The following C18orf63 variants were observed in gnomAD, a reference collection of about 807,000 sequenced individuals.
C18orf63 encodes chromosome 18 open reading frame 63, also known as uncharacterized protein C18orf63.
A neutral mutation model predicts 75.3 loss-of-function variants in C18orf63; 50 were observed. The observed-to-expected ratio is 0.66, with a 90% CI of 0.53 to 0.84. C18orf63 has a LOEUF of 0.84. Among genes scored for constraint, C18orf63 ranks in the 40% least tolerant of loss-of-function variants. The pLI, the probability that C18orf63 is intolerant of heterozygous loss-of-function variation, is 0.00. For synonymous variants in C18orf63, 232 were observed against 267.6 expected (o/e 0.87, Z 1.30); for missense variants, 732 against 800.2 (o/e 0.91, Z 1.03).
intron 7 of C18orf63, 87 bp from the exon 8 acceptor site, chr18:74,338,628 T>C (rs1984430063): frequency 2.0e-6 from 1 of 492,008 alleles, no homozygotes; most frequent in East Asian, 3.2e-5. Flanking sequence ...TAACCTACTG[T>C]GTGTGTGTAA....
chr18:74,345,410 T>C (rs1191782061), intron 11 of C18orf63, among the ~76,000 whole-genome samples: 2 of 152,134 alleles, frequency 1.3e-5, no homozygotes, highest in Non-Finnish European at 2.9e-5. Context: ...TCAGTCTTTT[T>C]CTTTATGGTT....
chr18:74,351,854 C>T (rs894498350), intron 11 of C18orf63, among the ~76,000 whole-genome samples: 6 of 152,086 alleles, frequency 3.9e-5, no homozygotes. Flanking sequence ...GCATATTATT[C>T]CTAGCAGTTT....
intron 6 of C18orf63, among the ~76,000 whole-genome samples, chr18:74,330,101 A>G (rs1984279824): frequency 3.3e-5 from 5 of 152,168 alleles, no homozygotes; most frequent in Non-Finnish European, 5.9e-5. Flanking sequence ...TTCATCTCCA[A>G]ACACTGTCAT....
At chr18:74,324,283 G>A (rs1984172164) in intron 4 of C18orf63, among the ~76,000 whole-genome samples, 1 of 152,066 alleles carries the variant, frequency 6.6e-6, no homozygotes. Context: ...TACTACCACT[G>A]TCATTCACTG....
intron 11 of C18orf63, among the ~76,000 whole-genome samples, chr18:74,349,791 C>T (rs139551711): frequency 9.1e-4 from 138 of 152,256 alleles, no homozygotes; most frequent in African/African-American, 3.1e-3. Flanking sequence ...CTCCCCTACA[C>T]TTAAGCTGCT....
chr18:74,325,276 T>A (rs1427637990), intron 4 of C18orf63, among the ~76,000 whole-genome samples: 2 of 152,194 alleles, frequency 1.3e-5, no homozygotes, highest in Non-Finnish European at 2.9e-5. Flanking sequence ...CTGTTTGATT[T>A]CTTTTTTGAT....
intron 13 of C18orf63, among the ~76,000 whole-genome samples, chr18:74,355,508 G>GC (rs1182557455): frequency 1.3e-5 from 2 of 152,088 alleles, no homozygotes; most frequent in East Asian, 1.9e-4. Context: ...CATCCAGGAG[G>GC]GGGGGCTTAC....
rs1421675837 is a variant in C18orf63, at chr18:74,343,517, A to G, written c.795-2A>G. On this transcript the variant is annotated splice_acceptor_variant, in intron 10 of 13. Coordinates refer to ENST00000579455, the MANE Select transcript of C18orf63 (RefSeq NM_001174123.2). LOFTEE classifies it high-confidence loss of function. ...CAGACATTGTTCTTTAACATTGTTC[A>G]GATATCCTCTCAGTTGCATCAGAAG... 6.6e-7 allele frequency: 1 copy of G among 1,510,548 alleles called. No individual in the cohort carries two copies. The highest frequency in any genetic ancestry group is 2.1e-5 in the Admixed American group (1 of 46,838). 93.6% of individuals were successfully genotyped at this position (1,510,548 alleles called of 1,614,324 possible). A position where few individuals can be genotyped will look rare whatever the true frequency, so the allele number is the denominator to read the frequency against.
intron 6 of C18orf63, among the ~76,000 whole-genome samples, chr18:74,329,723 T>TA (rs1205010945): frequency 6.6e-6 from 1 of 152,150 alleles, no homozygotes; most frequent in South Asian, 2.1e-4. Flanking sequence ...ATTTTCTCCT[T>TA]AAAAAATTGG....
chr18:74,323,376 G>T (rs1386546572), intron 4 of C18orf63, among the ~76,000 whole-genome samples: 1 of 152,128 alleles, frequency 6.6e-6, no homozygotes, highest in East Asian at 1.9e-4. Flanking sequence ...TTGCCTTTAG[G>T]TCCTAGGGAA....
chr18:74,321,111 A>G (rs28631209), intron 3 of C18orf63, among the ~76,000 whole-genome samples: 30,619 of 152,060 alleles, frequency 0.2, 3,274 homozygotes, highest in African/African-American at 0.27. Context: ...TAAAAATCAT[A>G]TTATCCTGAG....
At chr18:74,332,416 C>G (rs1300845434) in intron 7 of C18orf63, among the ~76,000 whole-genome samples, 1 of 152,162 alleles carries the variant, frequency 6.6e-6, no homozygotes, top group Non-Finnish European at 1.5e-5. Context: ...GTTAAAGGCT[C>G]CACATTGGCT....
At position 74,352,512 on chromosome 18, in the gene C18orf63, C is replaced by T. The variant is rs148267643; in HGVS notation, c.979-734C>T. Among the ~76,000 whole-genome samples, 8 of 152,222 alleles carry T rather than the reference C, an allele frequency of 5.3e-5. No homozygotes were observed. The East Asian group carries it at 9.7e-4, about 18-fold the overall frequency. On this transcript the variant is annotated intron_variant, in intron 11 of 13. Coordinates refer to ENST00000579455, the MANE Select transcript of C18orf63 (RefSeq NM_001174123.2). ...GACAAATTTCTTTGACAAATACTTG[C>T]TGAATTGCTACCACGTACCAGGCAC...
At chr18:74,340,223 A>T (rs1485471798) in intron 8 of C18orf63, among the ~76,000 whole-genome samples, 1 of 152,256 alleles carries the variant, frequency 6.6e-6, no homozygotes, top group East Asian at 1.9e-4. Context: ...TCAAAAGAAG[A>T]TATTTAAGTG....
chr18:74,320,160 T>C (rs1438427807), intron 2 of C18orf63, among the ~76,000 whole-genome samples: 1 of 152,122 alleles, frequency 6.6e-6, no homozygotes, highest in African/African-American at 2.4e-5. Flanking sequence ...ACTGGATAAT[T>C]TATGAAGAAA....
At chr18:74,345,276 T>C (rs986274951) in intron 11 of C18orf63, among the ~76,000 whole-genome samples, 2 of 152,112 alleles carry the variant, frequency 1.3e-5, no homozygotes, top group South Asian at 2.1e-4. Flanking sequence ...AAGCCAGATA[T>C]GAGTTTTTCA....
intron 11 of C18orf63, among the ~76,000 whole-genome samples, chr18:74,351,227 A>G (rs1984661203): frequency 6.6e-6 from 1 of 152,162 alleles, no homozygotes; most frequent in South Asian, 2.1e-4. Flanking sequence ...AAGGAGGAGT[A>G]TTGTCCTCTA....
At position 74,353,572 on chromosome 18, in the gene C18orf63, T is replaced by C; in HGVS notation, c.1305T>C (p.Phe435=). 6.5e-7 allele frequency: 1 copy of C among 1,536,528 alleles called. No individual in the cohort carries two copies. The change falls in exon 12 of 14, where the codon TTT becomes TTC. Residue 435 remains phenylalanine, a synonymous_variant. Coordinates refer to ENST00000579455, the MANE Select transcript of C18orf63 (RefSeq NM_001174123.2). ...CCCAAAGCAACATCACCCCTAAGTT[T>C]GTACCAGTTTTCAAAAATAGATTGT... The part of the protein sequence containing the change: ...LSSQSNITPK[F]VPVFKNRLLQ...
chr18:74,337,111 T>C (rs12961488), intron 7 of C18orf63, among the ~76,000 whole-genome samples: 75,878 of 151,946 alleles, frequency 0.5, 19,792 homozygotes, highest in Non-Finnish European at 0.58. Flanking sequence ...CTTTAGTATT[T>C]CAACATTGCC....
Sources: allele counts gnomAD v4.1 joint callset (sites outside exome capture counted in the v4.1 genomes callset), GRCh38; gene constraint gnomAD v4.1.1; transcripts MANE v1.5; gene names NCBI Gene and HGNC (gene_info 2026-07-23, HGNC 2026-07-21).